The following SEPTIN9 variants were observed in gnomAD, a reference collection of about 807,000 sequenced individuals.
The protein encoded by SEPTIN9 is septin-9.
SEPTIN9 carries 13 observed loss-of-function variants against 56.6 expected under a neutral mutation model. The observed-to-expected ratio is 0.23, with a 90% CI of 0.15 to 0.37. SEPTIN9 has a LOEUF of 0.37. Among genes scored for constraint, SEPTIN9 ranks in the 10% least tolerant of loss-of-function variants. SEPTIN9 has a pLI of 1.00. For synonymous variants in SEPTIN9, 332 were observed against 334.1 expected, an observed-to-expected ratio of 0.99 and a Z score of 0.07; for missense variants, 650 against 823.1, an observed-to-expected ratio of 0.79 and a Z score of 2.57.
intron 3 of SEPTIN9, among the ~76,000 whole-genome samples, chr17:77,411,752 A>G (rs1385296147): frequency 6.6e-6 from 1 of 152,138 alleles, no homozygotes; most frequent in Non-Finnish European, 1.5e-5. Context: ...AGAGGCTGCA[A>G]CAGATGTTCT....
intron 3 of SEPTIN9, among the ~76,000 whole-genome samples, chr17:77,438,403 C>T (rs1180762868): frequency 6.6e-6 from 1 of 152,218 alleles, no homozygotes; most frequent in Non-Finnish European, 1.5e-5. Context: ...GATAATGACT[C>T]CCAGAGTTGA....
At chr17:77,444,436 A>C (rs918777563) in intron 3 of SEPTIN9, among the ~76,000 whole-genome samples, 2 of 151,914 alleles carry the variant, frequency 1.3e-5, no homozygotes, top group African/African-American at 4.8e-5. Context: ...CACCGGGAAG[A>C]AACAGCCAGT....
chr17:77,419,578 G>C (rs950679348), intron 3 of SEPTIN9, among the ~76,000 whole-genome samples: 1 of 152,180 alleles, frequency 6.6e-6, no homozygotes. Flanking sequence ...CTGTTGCCCA[G>C]CCTAGGAGGA....
chr17:77,395,739 C>A (rs1377013025), intron 2 of SEPTIN9, among the ~76,000 whole-genome samples: 1 of 152,136 alleles, frequency 6.6e-6, no homozygotes, highest in Non-Finnish European at 1.5e-5. Flanking sequence ...GAATTAGGAT[C>A]TTTGTATACA....
At chr17:77,494,433 A>C (rs1240223481) in intron 10 of SEPTIN9, among the ~76,000 whole-genome samples, 1 of 152,234 alleles carries the variant, frequency 6.6e-6, no homozygotes, top group African/African-American at 2.4e-5. Flanking sequence ...ACTTGGCTGA[A>C]AGGCCCAGTA....
Position 77,451,625 on chromosome 17 carries a change from C to T in SEPTIN9, c.722-30519C>T. ...AGGCGGACCCTGATGGCCATGGTGG[C>T]GGTGCCGGGAGCCACGCTGTCCCTG... is the stretch of plus-strand genomic sequence containing the variant. On this transcript the variant is annotated intron_variant, in intron 3 of 11. Coordinates refer to ENST00000427177, the MANE Select transcript of SEPTIN9 (RefSeq NM_001113491.2). This position sits in a 1 kb window ranked among gnomAD's most constrained non-coding sequence, Gnocchi z 4.2. 1.1e-6 allele frequency: 1 copy of T among 904,490 alleles called. No individual in the cohort carries two copies. Among genetic ancestry groups the T allele is most frequent in the Non-Finnish European group, 1.3e-6 (1 of 755,938 alleles). The allele number at this position is 904,490 out of a possible 1,614,324, so 56.0% of individuals were successfully genotyped here.
At chr17:77,418,370 T>C (rs2036576700) in intron 3 of SEPTIN9, among the ~76,000 whole-genome samples, 1 of 148,980 alleles carries the variant, frequency 6.7e-6, no homozygotes, top group Admixed American at 6.7e-5. Context: ...TAAGATGGAG[T>C]TTTACTCTGT....
rs2036609926 is a variant in SEPTIN9 at position 77,419,263 on chromosome 17, C to T, written c.721+16560C>T. Among the ~76,000 whole-genome samples, 3 of 152,270 alleles carry T rather than the reference C, an allele frequency of 2.0e-5. No homozygotes were observed. In the South Asian group the frequency reaches 6.2e-4, roughly 32 times the overall value. ...CCTGCTGTGGCAGCGCTTGGGGTGT[C>T]GGCTGCCTCCTGGGCACGAGTTGGG... On this transcript the variant is annotated intron_variant, in intron 3 of 11. Transcript: ENST00000427177.
At chr17:77,467,804 G>A (rs1488930287) in intron 3 of SEPTIN9, among the ~76,000 whole-genome samples, 1 of 152,202 alleles carries the variant, frequency 6.6e-6, no homozygotes, top group Non-Finnish European at 1.5e-5. Flanking sequence ...CCCCATGCTG[G>A]TCTGGGAGAG....
chr17:77,466,054 TCACACACACACACACACACACACA>T (rs10599395), intron 3 of SEPTIN9, among the ~76,000 whole-genome samples: 3,085 of 127,474 alleles, frequency 0.024, 135 homozygotes, highest in African/African-American at 0.087. Flanking sequence ...TTCTGGACTG[TCACACACACACACACACACACACA>T]CACACACACA....
chr17:77,444,659 G>C, intron 3 of SEPTIN9: 2 of 185,466 alleles, frequency 1.1e-5, no homozygotes, highest in Non-Finnish European at 2.3e-5. Context: ...CCAGCACTAG[G>C]GAATACGGAG....
At chr17:77,311,689 G>A in intron 2 of SEPTIN9, among the ~76,000 whole-genome samples, 1 of 152,182 alleles carries the variant, frequency 6.6e-6, no homozygotes, top group South Asian at 2.1e-4. Flanking sequence ...CCTGTGCAGT[G>A]CCTCCTCGCT....
rs967558287 is a variant in SEPTIN9, at chr17:77,476,897, G to A, written c.722-5247G>A. Among the ~76,000 whole-genome samples, 15 of 152,298 alleles carry A rather than the reference G, an allele frequency of 9.8e-5. No individual in the cohort carries two copies. Among genetic ancestry groups the A allele is most frequent in the African/African-American group, 3.4e-4 (14 of 41,564 alleles). On this transcript the variant is annotated intron_variant, in intron 3 of 11. Coordinates refer to ENST00000427177, the MANE Select transcript of SEPTIN9 (RefSeq NM_001113491.2). This position sits in a 1 kb window ranked among gnomAD's most constrained non-coding sequence, Gnocchi z 6.0. Reference sequence around the variant, plus strand: ...CTCTGAGCTGTAAAGCTGGCTCCTGGGCACTTGTGGAAAACACTGGACTCT... The same window carrying A: ...CTCTGAGCTGTAAAGCTGGCTCCTGAGCACTTGTGGAAAACACTGGACTCT...
intron 1 of SEPTIN9, among the ~76,000 whole-genome samples, chr17:77,303,688 G>GTAATAA (rs113943617): frequency 0.011 from 1,624 of 150,746 alleles, 33 homozygotes; most frequent in African/African-American, 0.037. Flanking sequence ...CTCAAAAGTA[G>GTAATAA]TAATAATAAT....
In SEPTIN9 at chr17:77,425,947, G is replaced by T. The variant is rs2036891382; in HGVS notation, c.721+23244G>T. On this transcript the variant is annotated intron_variant, in intron 3 of 11. Transcript: ENST00000427177. The surrounding 1 kb of genome is among the most constrained non-coding windows in gnomAD (Gnocchi z 4.2). Reference sequence around the variant, plus strand: ...GGCCCCGCAGGGCCCTGTGCAGAGGGGAGTGTGTGCGGCTGTGAGTTCAGG... The same window carrying T: ...GGCCCCGCAGGGCCCTGTGCAGAGGTGAGTGTGTGCGGCTGTGAGTTCAGG... Among the ~76,000 whole-genome samples the T allele has an allele frequency of 6.6e-6, 1 of 152,210 alleles. No homozygotes were observed. The highest frequency in any genetic ancestry group is 1.9e-4 in the East Asian group (1 of 5,186).
chr17:77,496,584 G>A (rs949529955), intron 10 of SEPTIN9, among the ~76,000 whole-genome samples: 2 of 152,254 alleles, frequency 1.3e-5, no homozygotes, highest in African/African-American at 4.8e-5. Flanking sequence ...TGACCACTCT[G>A]AGATGGCCAC....
At chr17:77,300,142 G>T (rs1282590311) in intron 1 of SEPTIN9, among the ~76,000 whole-genome samples, 1 of 152,138 alleles carries the variant, frequency 6.6e-6, no homozygotes, top group Non-Finnish European at 1.5e-5. Context: ...TTTTCACCCA[G>T]GTTGGAGTGC....
chr17:77,346,278 CTTTTTTTTTTTTTTT>C (rs577131369), intron 2 of SEPTIN9, among the ~76,000 whole-genome samples: 12 of 46,318 alleles, frequency 2.6e-4, no homozygotes, highest in South Asian at 2.3e-3. Context: ...ATCCTTAGGT[CTTTTTTTTTTTTTTT>C]TTTTTTTTTT....
intron 10 of SEPTIN9, among the ~76,000 whole-genome samples, chr17:77,495,057 A>C (rs540509481): frequency 4.8e-4 from 73 of 152,046 alleles, no homozygotes; most frequent in African/African-American, 1.6e-3. Context: ...GGTTTGGGAG[A>C]GTTAGGGATG....
Sources: gnomAD v4.1 joint callset for allele counts (sites outside exome capture counted in the v4.1 genomes callset) on GRCh38, gnomAD v4.1.1 for gene constraint, Gnocchi (gnomAD v3.1) non-coding constraint, MANE v1.5 for transcripts, NCBI Gene and HGNC (gene_info 2026-07-23, HGNC 2026-07-21) for gene names.